The following RCAN2 variants were observed in gnomAD, a reference collection of about 807,000 sequenced individuals.
RCAN2 encodes the protein regulator of calcineurin 2, also known as calcipressin-2.
RCAN2 carries 9 observed loss-of-function variants against 23.6 expected under a neutral mutation model. The observed-to-expected ratio is 0.38, with a 90% CI of 0.23 to 0.67. RCAN2 has a LOEUF of 0.67. Ranked by LOEUF, RCAN2 falls within the 30% of genes least tolerant of loss-of-function variation. The pLI is 0.51. For missense variants in RCAN2, 273 were observed against 302.3 expected (o/e 0.90, Z 0.72); for synonymous variants, 109 against 115.7 (o/e 0.94, Z 0.37).
At chr6:46,271,569 G>T (rs1333601927) in intron 2 of RCAN2, among the ~76,000 whole-genome samples, 1 of 152,112 alleles carries the variant, frequency 6.6e-6, no homozygotes, top group Non-Finnish European at 1.5e-5. Context: ...CAAATCCACT[G>T]GTGAACTAAG....
At chr6:46,318,771 G>A (rs542371339) in intron 2 of RCAN2, among the ~76,000 whole-genome samples, 242 of 152,224 alleles carry the variant, frequency 1.6e-3, no homozygotes, top group African/African-American at 5.7e-3. Context: ...TTGCACATGT[G>A]TATAATATCC....
Position 46,223,264 on chromosome 6 carries a change from G to A in RCAN2, c.609C>T (p.Thr203=), listed in dbSNP as rs768168875. The change falls in exon 5 of 5, where the codon ACC becomes ACT. Residue 203 remains threonine (T), a synonymous_variant. Transcript: ENST00000371374. Reference sequence around the variant, plus strand: ...CGCACACGTGCACGACGACACTTGGGGTGGACTCAGTCCCTGCATGGAGCT... The same window carrying A: ...CGCACACGTGCACGACGACACTTGGAGTGGACTCAGTCCCTGCATGGAGCT... ...KYELHAGTES[T]PSVVVHVCDS... 1.2e-6 allele frequency: 2 copies of A among 1,613,846 alleles called. No homozygotes were observed. Among genetic ancestry groups the A allele is most frequent in the Non-Finnish European group, 1.7e-6 (2 of 1,179,850 alleles).
At chr6:46,319,659 T>C (rs1763547126) in intron 2 of RCAN2, among the ~76,000 whole-genome samples, 1 of 152,238 alleles carries the variant, frequency 6.6e-6, no homozygotes. Flanking sequence ...TGAAAGATGT[T>C]TGCTACTTTC....
At chr6:46,489,484 C>A (rs1374695901) in intron 1 of RCAN2, among the ~76,000 whole-genome samples, 2 of 152,148 alleles carry the variant, frequency 1.3e-5, no homozygotes, top group Non-Finnish European at 2.9e-5. Flanking sequence ...GAAAATGAGA[C>A]CTCGGTGATT....
At chr6:46,421,474 A>G (rs1461529916) in intron 2 of RCAN2, among the ~76,000 whole-genome samples, 6 of 152,236 alleles carry the variant, frequency 3.9e-5, no homozygotes, top group Non-Finnish European at 8.8e-5. Flanking sequence ...GGTGAAAGAT[A>G]AAGAATTTGA....
chr6:46,482,269 T>C (rs1768883443), intron 1 of RCAN2, among the ~76,000 whole-genome samples: 1 of 152,220 alleles, frequency 6.6e-6, no homozygotes, highest in African/African-American at 2.4e-5. Context: ...TTTAATATGC[T>C]TTAGCTATGT....
intron 1 of RCAN2, chr6:46,468,802 T>C: frequency 1.0e-6 from 1 of 985,262 alleles, no homozygotes; most frequent in Non-Finnish European, 1.2e-6. Context: ...TTGCTCACCT[T>C]TAATCAGCAC....
At position 46,385,961 on chromosome 6, in the gene RCAN2, G is replaced by A. The variant is rs867479223; in HGVS notation, c.225+70791C>T. On this transcript the variant is annotated intron_variant, in intron 2 of 4. Transcript: ENST00000371374. ...AATACCATTCAGGACATAGGCATGG[G>A]CAAAGATTTCATGATGAAAATGCCA... Among the ~76,000 whole-genome samples the A allele has an allele frequency of 2.1e-4, 32 of 151,550 alleles. 1 individual carries two copies. In the South Asian group the frequency reaches 3.6e-3, roughly 17 times the overall value.
intron 4 of RCAN2, among the ~76,000 whole-genome samples, chr6:46,244,365 G>A (rs1458965580): frequency 1.3e-5 from 2 of 151,800 alleles, no homozygotes; most frequent in Non-Finnish European, 2.9e-5. Flanking sequence ...CCCTTCCGGG[G>A]CCTAATTTCC....
At chr6:46,406,345 A>G (rs764619391) in intron 2 of RCAN2, among the ~76,000 whole-genome samples, 38 of 152,248 alleles carry the variant, frequency 2.5e-4, no homozygotes, top group Non-Finnish European at 4.3e-4. Context: ...GTCTCCATGC[A>G]TACTCAAATT....
intron 2 of RCAN2, among the ~76,000 whole-genome samples, chr6:46,421,815 G>A (rs2150412585): frequency 6.6e-6 from 1 of 152,248 alleles, no homozygotes; most frequent in East Asian, 1.9e-4. Flanking sequence ...TACCAGCACA[G>A]TACATAATTC....
At chr6:46,271,152 CTCTA>C (rs1231240362) in intron 2 of RCAN2, among the ~76,000 whole-genome samples, 37 of 152,306 alleles carry the variant, frequency 2.4e-4, no homozygotes, top group African/African-American at 7.2e-4. Flanking sequence ...CTGCCTATCT[CTCTA>C]TCTGTCTGTC....
At chr6:46,312,812 T>G (rs1269827769) in intron 2 of RCAN2, among the ~76,000 whole-genome samples, 2 of 152,212 alleles carry the variant, frequency 1.3e-5, no homozygotes, top group Non-Finnish European at 2.9e-5. Flanking sequence ...TGCAGCCGCC[T>G]CCTCATCTGT....
chr6:46,316,179 T>A (rs1184115845), intron 2 of RCAN2, among the ~76,000 whole-genome samples: 1 of 152,086 alleles, frequency 6.6e-6, no homozygotes, highest in African/African-American at 2.4e-5. Flanking sequence ...GCAAGAAAAC[T>A]TAGAATTCCA....
rs533065078 is a variant in RCAN2, at chr6:46,231,692, G to A, written c.572-8391C>T. Among the ~76,000 whole-genome samples the A allele has an allele frequency of 1.1e-4, 16 of 152,264 alleles. No homozygotes were observed. The South Asian group carries it at 3.1e-3, about 30-fold the overall frequency. Reference sequence around the variant, plus strand: ...CCCAAAGTGCTGGGATTACAGGTGTGAGCCACCACGCCCGGAGGTTTGTTG... The same window carrying A: ...CCCAAAGTGCTGGGATTACAGGTGTAAGCCACCACGCCCGGAGGTTTGTTG... On this transcript the variant is annotated intron_variant, in intron 4 of 4. Transcript: ENST00000371374.
chr6:46,392,631 T>A (rs550655654), intron 2 of RCAN2, among the ~76,000 whole-genome samples: 1 of 152,318 alleles, frequency 6.6e-6, no homozygotes, highest in South Asian at 2.1e-4. Flanking sequence ...TATCCTCACA[T>A]ATTTGCATTA....
chr6:46,223,604 A>G (rs755749933), intron 4 of RCAN2, among the ~76,000 whole-genome samples: 4 of 152,202 alleles, frequency 2.6e-5, no homozygotes, highest in Non-Finnish European at 4.4e-5. Flanking sequence ...CGAGGACTGG[A>G]TGGACTTGGC....
At chr6:46,308,774 T>C (rs1450890192) in intron 2 of RCAN2, among the ~76,000 whole-genome samples, 1 of 152,142 alleles carries the variant, frequency 6.6e-6, no homozygotes, top group Non-Finnish European at 1.5e-5. Flanking sequence ...TGTTGGCTTA[T>C]GGAGCACAGT....
intron 2 of RCAN2, among the ~76,000 whole-genome samples, chr6:46,369,505 C>T (rs189723592): frequency 6.6e-6 from 1 of 152,240 alleles, no homozygotes; most frequent in East Asian, 1.9e-4. Context: ...TGCATCACAA[C>T]GTTAGGATGG....
Sources: allele counts gnomAD v4.1 joint callset (sites outside exome capture counted in the v4.1 genomes callset), GRCh38; gene constraint gnomAD v4.1.1; transcripts MANE v1.5; gene names NCBI Gene and HGNC (gene_info 2026-07-23, HGNC 2026-07-21).